Variants in NPHP4 observed in about 807,000 individuals in gnomAD.
NPHP4 encodes nephrocystin-4.
In NPHP4, 151 loss-of-function variants were observed where a neutral mutation model predicts 155.8. That is an observed-to-expected ratio of 0.97 (90% CI 0.85 to 1.11). The LOEUF (loss-of-function observed/expected upper bound fraction) is 1.11. NPHP4 is among the 50% of genes least tolerant of loss of function. The pLI, the probability that NPHP4 is intolerant of heterozygous loss-of-function variation, is 0.00. For missense variants in NPHP4, 1,956 were observed against 1,925.7 expected (o/e 1.02, Z -0.29); for synonymous variants, 845 against 816.8 (o/e 1.03, Z -0.59).
In NPHP4 at chr1:5,867,941, T is replaced by G. The variant is rs1262741160; in HGVS notation, c.3316-45A>C. 1 of 1,609,080 alleles carries G rather than the reference T, an allele frequency of 6.2e-7. No individual in the cohort carries two copies. Among genetic ancestry groups the G allele is most frequent in the Non-Finnish European group, 8.5e-7 (1 of 1,175,524 alleles). Reference sequence around the variant, plus strand: ...AGTGTTGGGATGGGCACGAGGCTTGTGAGCAGCTTCTTGTCCCTCCTTAGA... The same window carrying G: ...AGTGTTGGGATGGGCACGAGGCTTGGGAGCAGCTTCTTGTCCCTCCTTAGA... On this transcript the variant is annotated intron_variant, in intron 23 of 29. Coordinates refer to ENST00000378156, the MANE Select transcript of NPHP4 (RefSeq NM_015102.5). The surrounding 1 kb of genome is among the most constrained non-coding windows in gnomAD (Gnocchi z 4.1).
chr1:5,970,784 C>T (rs1477174695), intron 3 of NPHP4, among the ~76,000 whole-genome samples: 2 of 151,892 alleles, frequency 1.3e-5, no homozygotes, highest in Non-Finnish European at 2.9e-5. Context: ...ATGGTGTCAC[C>T]GAGAAAACGT....
At chr1:5,922,929 T>C (rs531254822) in intron 11 of NPHP4, among the ~76,000 whole-genome samples, 1 of 152,126 alleles carries the variant, frequency 6.6e-6, no homozygotes, top group South Asian at 2.1e-4. Context: ...GCTCAGGAGT[T>C]CAAGGCTACA....
chr1:5,955,426 T>C (rs912668825), intron 6 of NPHP4, among the ~76,000 whole-genome samples: 1 of 152,236 alleles, frequency 6.6e-6, no homozygotes, highest in Non-Finnish European at 1.5e-5. Flanking sequence ...CAAAGAGATA[T>C]CGCCACTCCC....
At position 5,989,019 on chromosome 1, in the gene NPHP4, G is replaced by A. The variant is rs182505742; in HGVS notation, c.-38-2692C>T. On this transcript the variant is annotated intron_variant, in intron 1 of 29. Coordinates refer to ENST00000378156, the MANE Select transcript of NPHP4 (RefSeq NM_015102.5). Reference sequence around the variant, plus strand: ...GTCGCTCAACTTCCCTTGTTTTGTGGAGGACCCTGACCCAATTCCATGTAT... The same window carrying A: ...GTCGCTCAACTTCCCTTGTTTTGTGAAGGACCCTGACCCAATTCCATGTAT... 2.6e-5 allele frequency among the ~76,000 whole-genome samples: 4 copies of A among 152,224 alleles called. No individual in the cohort carries two copies. The East Asian group carries it at 7.7e-4, about 29-fold the overall frequency.
At chr1:5,957,507 A>T (rs1395795479) in intron 6 of NPHP4, among the ~76,000 whole-genome samples, 1 of 152,130 alleles carries the variant, frequency 6.6e-6, no homozygotes, top group Non-Finnish European at 1.5e-5. Flanking sequence ...CAAAAACAAG[A>T]CCGCTGCAAC....
At chr1:5,938,832 G>A (rs764639469) in intron 9 of NPHP4, among the ~76,000 whole-genome samples, 6 of 152,118 alleles carry the variant, frequency 3.9e-5, no homozygotes, top group African/African-American at 9.7e-5. Context: ...CATCAGAATC[G>A]GCTATTTTGG....
chr1:5,899,370 C>T (rs998617317), intron 16 of NPHP4, among the ~76,000 whole-genome samples: 4 of 152,182 alleles, frequency 2.6e-5, no homozygotes, highest in Admixed American at 6.5e-5. Context: ...AGGGACCCCA[C>T]AGACAAGAGG....
intron 10 of NPHP4, among the ~76,000 whole-genome samples, chr1:5,930,239 G>GT (rs1448599025): frequency 2.0e-5 from 3 of 152,076 alleles, no homozygotes; most frequent in African/African-American, 7.2e-5. Flanking sequence ...TTTCAAACAG[G>GT]TTCTTGTTTC....
At chr1:5,976,819 G>C (rs937540825) in intron 3 of NPHP4, among the ~76,000 whole-genome samples, 8 of 152,174 alleles carry the variant, frequency 5.3e-5, no homozygotes, top group African/African-American at 1.9e-4. Context: ...CCAAGCGCTG[G>C]GTGATGGTGG....
chr1:5,972,207 G>T (rs570761991), intron 3 of NPHP4, among the ~76,000 whole-genome samples: 2 of 152,350 alleles, frequency 1.3e-5, no homozygotes, highest in South Asian at 4.1e-4. Context: ...CCCTTCCAAA[G>T]AACTGTTTTA....
At position 5,892,837 on chromosome 1, in the gene NPHP4, C is replaced by G. The variant is rs1459504609; in HGVS notation, c.2144-1809G>C. On this transcript the variant is annotated intron_variant, in intron 16 of 29. Transcript: ENST00000378156. This position sits in a 1 kb window ranked among gnomAD's most constrained non-coding sequence, Gnocchi z 4.5. ...CCTCCAACTGAACTAAGAAGACTCC[C>G]AGGGGCAGTGGCCCTGTCCTCCCCA... Among the ~76,000 whole-genome samples, 2 of 152,134 alleles carry G rather than the reference C, an allele frequency of 1.3e-5. No homozygotes were observed. Among genetic ancestry groups the G allele is most frequent in the African/African-American group, 4.8e-5 (2 of 41,422 alleles).
At chr1:5,987,105 T>C (rs1655605430) in intron 1 of NPHP4, among the ~76,000 whole-genome samples, 1 of 151,940 alleles carries the variant, frequency 6.6e-6, no homozygotes, top group South Asian at 2.1e-4. Flanking sequence ...CCACGACACT[T>C]CAGCTACATG....
At chr1:5,873,369 A>G (rs762310221) in intron 22 of NPHP4, 34 bp from the exon 23 acceptor site, 1 of 1,569,134 alleles carries the variant, frequency 6.4e-7, no homozygotes, top group Admixed American at 1.7e-5. Flanking sequence ...CAGGTCAGGA[A>G]GCAACACCAT....
At chr1:5,978,452 C>G (rs770896570) in intron 2 of NPHP4, 39 bp from the exon 3 acceptor site, 1 of 1,576,290 alleles carries the variant, frequency 6.3e-7, no homozygotes. Context: ...AGAGTCTGAG[C>G]ACCATGAGCC....
At chr1:5,919,546 T>C (rs1645632894) in intron 11 of NPHP4, among the ~76,000 whole-genome samples, 1 of 152,154 alleles carries the variant, frequency 6.6e-6, no homozygotes, top group African/African-American at 2.4e-5. Context: ...AAGTCTTTGC[T>C]GAATGGAGAG....
intron 16 of NPHP4, among the ~76,000 whole-genome samples, chr1:5,896,925 C>A (rs756525227): frequency 2.0e-5 from 3 of 152,132 alleles, no homozygotes; most frequent in Non-Finnish European, 2.9e-5. Context: ...CCCCATGCAT[C>A]GATGAAGATG....
intron 2 of NPHP4, among the ~76,000 whole-genome samples, chr1:5,981,278 C>A (rs1170374201): frequency 2.0e-5 from 3 of 152,200 alleles, no homozygotes; most frequent in Non-Finnish European, 4.4e-5. Context: ...CACCCTCCCA[C>A]CACCTCTATG....
chr1:5,980,318 C>G (rs2102395907), intron 2 of NPHP4, among the ~76,000 whole-genome samples: 1 of 152,306 alleles, frequency 6.6e-6, no homozygotes, highest in Admixed American at 6.5e-5. Flanking sequence ...GCCTCACCAC[C>G]CCTAAATGGA....
intron 17 of NPHP4, 99 bp from the exon 18 acceptor site, chr1:5,887,565 C>A: frequency 7.5e-7 from 1 of 1,337,964 alleles, no homozygotes; most frequent in Non-Finnish European, 1.0e-6. Flanking sequence ...GCAGGAAAGC[C>A]ACTGTGGGCG....
Sources: gnomAD v4.1 joint callset for allele counts (sites outside exome capture counted in the v4.1 genomes callset) on GRCh38, gnomAD v4.1.1 for gene constraint, Gnocchi (gnomAD v3.1) non-coding constraint, MANE v1.5 for transcripts, NCBI Gene and HGNC (gene_info 2026-07-23, HGNC 2026-07-21) for gene names.